Variants in POP4 observed in about 807,000 individuals in gnomAD.
The protein encoded by POP4 is ribonuclease P protein subunit p29.
In POP4, 31 loss-of-function variants were observed where a neutral mutation model predicts 29.9. The observed-to-expected ratio is 1.04, with a 90% CI of 0.78 to 1.40. The LOEUF (loss-of-function observed/expected upper bound fraction) is 1.40. POP4 is among the 40% of genes most tolerant of loss of function. POP4 has a pLI of 0.00. For synonymous variants in POP4, 110 were observed against 108.2 expected, an observed-to-expected ratio of 1.02 and a Z score of -0.10; for missense variants, 286 against 282.7, an observed-to-expected ratio of 1.01 and a Z score of -0.08.
At position 29,615,649 on chromosome 19, in the gene POP4, G is replaced by T; in HGVS notation, c.*269G>T. 1 of 375,484 alleles carries T rather than the reference G, an allele frequency of 2.7e-6. No homozygotes were observed. The highest frequency in any genetic ancestry group is 6.9e-5 in the South Asian group (1 of 14,392). The allele number at this position is 375,484 out of a possible 1,614,324, so 23.3% of individuals were successfully genotyped here. On this transcript the variant is annotated 3_prime_UTR_variant, in exon 7 of 7. Coordinates refer to ENST00000585603, the MANE Select transcript of POP4 (RefSeq NM_006627.3). Reference sequence around the variant, plus strand: ...AACAGACTGGCAGGAAGCACACCGGGGTTAACACTGGTTGACTTGAATAGG... The same window carrying T: ...AACAGACTGGCAGGAAGCACACCGGTGTTAACACTGGTTGACTTGAATAGG...
At chr19:29,609,859 A>T (rs1318776489) in intron 2 of POP4, among the ~76,000 whole-genome samples, 3 of 152,114 alleles carry the variant, frequency 2.0e-5, no homozygotes, top group Admixed American at 2.0e-4. Flanking sequence ...TGGCCACACC[A>T]TGCCCACAGA....
rs1444679462 is a variant in POP4 at position 29,616,864 on chromosome 19, T to C, written c.*1484T>C. 1 of 152,242 alleles carries C rather than the reference T, an allele frequency of 6.6e-6. No homozygotes were observed. Among genetic ancestry groups the C allele is most frequent in the Non-Finnish European group, 1.5e-5 (1 of 68,096 alleles). 9.4% of individuals were successfully genotyped at this position (152,242 alleles called of 1,614,324 possible). On this transcript the variant is annotated 3_prime_UTR_variant, in exon 7 of 7. Coordinates refer to ENST00000585603, the MANE Select transcript of POP4 (RefSeq NM_006627.3). ...ACGGGCCCCGGCCCAGCGACTGCCT[T>C]GTGGTGTGGCCGTCCTCATCTGCCA...
At position 29,615,577 on chromosome 19, in the gene POP4, T is replaced by C. The variant is rs1179468750; in HGVS notation, c.*197T>C. The C allele has an allele frequency of 1.0e-5, 5 of 500,802 alleles. No homozygotes were observed. The highest frequency in any genetic ancestry group is 9.6e-5 in the African/African-American group (5 of 52,032). 31.0% of individuals were successfully genotyped at this position (500,802 alleles called of 1,614,324 possible). A position where few individuals can be genotyped will look rare whatever the true frequency, so the allele number is the denominator to read the frequency against. On this transcript the variant is annotated 3_prime_UTR_variant, in exon 7 of 7. Coordinates refer to ENST00000585603, the MANE Select transcript of POP4 (RefSeq NM_006627.3). ...GTGAAGAAGTCAGAGGACAGAGGAA[T>C]TTCTCTTTCTAGGAGATTTTCATTT...
intron 6 of POP4, among the ~76,000 whole-genome samples, chr19:29,614,691 G>A (rs189023731): frequency 6.6e-6 from 1 of 151,970 alleles, no homozygotes; most frequent in East Asian, 1.9e-4. Flanking sequence ...TTTAGTAGAG[G>A]CAGGGTTTCA....
chr19:29,611,533 G>T (rs532120377), intron 3 of POP4: 9 of 255,218 alleles, frequency 3.5e-5, no homozygotes, highest in Non-Finnish European at 6.1e-5. Context: ...GCTTTACTGG[G>T]GGCTTACTAG....
rs1348222981 is a variant in POP4, at chr19:29,616,342, G to A, written c.*962G>A. ...AGGGCTGCAGTGAGAGCGGGGCAGG[G>A]GACCAGCCTACCAGATGGGTTGGAA... On this transcript the variant is annotated 3_prime_UTR_variant, in exon 7 of 7. Coordinates refer to ENST00000585603, the MANE Select transcript of POP4 (RefSeq NM_006627.3). 6.6e-6 allele frequency: 1 copy of A among 152,464 alleles called. No homozygotes were observed. The highest frequency in any genetic ancestry group is 2.4e-5 in the African/African-American group (1 of 41,424). The allele number at this position is 152,464 out of a possible 1,614,324, so 9.4% of individuals were successfully genotyped here.
intron 6 of POP4, among the ~76,000 whole-genome samples, chr19:29,614,864 C>T (rs1178230820): frequency 6.6e-6 from 1 of 152,144 alleles, no homozygotes; most frequent in Non-Finnish European, 1.5e-5. Flanking sequence ...CCTACATATC[C>T]TTCTACCTCA....
chr19:29,615,323 T>G lies in POP4; in HGVS notation c.606T>G (p.Leu202=). 6.2e-7 allele frequency: 1 copy of G among 1,613,878 alleles called. No individual in the cohort carries two copies. Among genetic ancestry groups the G allele is most frequent in the African/African-American group, 1.3e-5 (1 of 74,964 alleles). The change falls in exon 7 of 7, where the codon CTT becomes CTG. Residue 202 remains leucine, a synonymous_variant. Coordinates refer to ENST00000585603, the MANE Select transcript of POP4 (RefSeq NM_006627.3). ...ACATTTACGGGAGCAAATTCCAGCT[T>G]CGGTCAAGTGAACGGTCTGCGAAGA... ...ISYIYGSKFQ[L]RSSERSAKKF...
intron 6 of POP4, 71 bp from the exon 7 acceptor site, chr19:29,615,173 C>G: frequency 7.0e-7 from 1 of 1,428,712 alleles, no homozygotes; most frequent in Non-Finnish European, 9.3e-7. Context: ...AATATTCTAC[C>G]TAAAAGTAAA....
intron 1 of POP4, among the ~76,000 whole-genome samples, chr19:29,607,762 C>T (rs988718427): frequency 6.6e-6 from 1 of 152,200 alleles, no homozygotes; most frequent in African/African-American, 2.4e-5. Flanking sequence ...TTTATCAGTT[C>T]AGGACACCAT....
Position 29,615,429 on chromosome 19 carries a change from C to T in POP4, c.*49C>T. ...GTTTATGACAGCTGAAAACTGGACACTCCCTAAATGTCCACCTTTCAGTGA... is the reference window on the plus strand; with the variant it reads ...GTTTATGACAGCTGAAAACTGGACATTCCCTAAATGTCCACCTTTCAGTGA... On this transcript the variant is annotated 3_prime_UTR_variant, in exon 7 of 7. Coordinates refer to ENST00000585603, the MANE Select transcript of POP4 (RefSeq NM_006627.3). 1 of 1,582,820 alleles carries T rather than the reference C, an allele frequency of 6.3e-7. No homozygotes were observed. Among genetic ancestry groups the T allele is most frequent in the Non-Finnish European group, 8.6e-7 (1 of 1,157,246 alleles).
intron 6 of POP4, among the ~76,000 whole-genome samples, chr19:29,614,756 A>G (rs150880386): frequency 3.2e-4 from 48 of 152,292 alleles, no homozygotes; most frequent in African/African-American, 1.1e-3. Context: ...CACCTGCCTC[A>G]GCCTCCTAAA....
intron 1 of POP4, among the ~76,000 whole-genome samples, chr19:29,607,252 CAT>C (rs1971009076): frequency 6.8e-6 from 1 of 146,476 alleles, no homozygotes; most frequent in African/African-American, 2.6e-5. Context: ...TGGGCAACAA[CAT>C]AGCGAGACCC....
chr19:29,608,899 T>C (rs1971034902), intron 2 of POP4, 190 bp downstream of exon 2: 2 of 555,492 alleles, frequency 3.6e-6, no homozygotes, highest in Non-Finnish European at 6.3e-6. Context: ...CCTCCTTTTC[T>C]GTTGTGCCAA....
intron 1 of POP4, among the ~76,000 whole-genome samples, chr19:29,607,223 C>G (rs140208154): frequency 7.2e-4 from 108 of 150,758 alleles, no homozygotes; most frequent in Non-Finnish European, 1.1e-3. Flanking sequence ...CACTTGAGGC[C>G]AAGAGTTGAA....
intron 5 of POP4, among the ~76,000 whole-genome samples, chr19:29,613,497 T>C (rs1468363616): frequency 1.3e-5 from 2 of 152,150 alleles, no homozygotes; most frequent in East Asian, 3.9e-4. Context: ...TCCTGGGCAG[T>C]GCATGGTGGT....
At chr19:29,609,226 TA>T (rs1971037681) in intron 2 of POP4, 1 of 153,252 alleles carries the variant, frequency 6.5e-6, no homozygotes, top group Non-Finnish European at 1.5e-5. Flanking sequence ...CTCAGGTATT[TA>T]AGAGAATCAG....
At chr19:29,607,303 C>G (rs935624617) in intron 1 of POP4, among the ~76,000 whole-genome samples, 1 of 149,682 alleles carries the variant, frequency 6.7e-6, no homozygotes, top group Non-Finnish European at 1.5e-5. Context: ...AAAGAATTAG[C>G]CAGGTGTGGT....
chr19:29,611,810 C>G lies in POP4; in HGVS notation c.285-52C>G, dbSNP rs1971071988. On this transcript the variant is annotated intron_variant, in intron 3 of 6. Transcript: ENST00000585603. ...AAGCTCTGTGCTATTTGGACATTGT[C>G]ATCCCAAGCTCATGTTGTCTAACTT... 6 of 1,472,954 alleles carry G rather than the reference C, an allele frequency of 4.1e-6. No individual in the cohort carries two copies. In the Admixed American group the frequency reaches 1.0e-4, roughly 25 times the overall value. The allele number at this position is 1,472,954 out of a possible 1,614,324, so 91.2% of individuals were successfully genotyped here. A position where few individuals can be genotyped will look rare whatever the true frequency, so the allele number is the denominator to read the frequency against.
Sources: allele counts gnomAD v4.1 joint callset (sites outside exome capture counted in the v4.1 genomes callset), GRCh38; gene constraint gnomAD v4.1.1; transcripts MANE v1.5; gene names NCBI Gene and HGNC (gene_info 2026-07-23, HGNC 2026-07-21).